Variants in CIAO2A observed in about 807,000 individuals in gnomAD.
The protein encoded by CIAO2A is MIP18 family protein FAM96A.
Under a neutral mutation model 22.4 loss-of-function variants are expected in CIAO2A, and 17 were observed. The observed-to-expected ratio is 0.76, with a 90% confidence interval of 0.52 to 1.14. The LOEUF (loss-of-function observed/expected upper bound fraction) is 1.14, where lower values mean the gene tolerates loss of function less well. Among genes scored for constraint, CIAO2A ranks in the 50% most tolerant of loss-of-function variants. CIAO2A has a pLI of 0.00. For synonymous variants in CIAO2A, 74 were observed against 72.3 expected (o/e 1.02, Z -0.12); for missense variants, 192 against 191.4 (o/e 1.00, Z -0.02).
intron 3 of CIAO2A, among the ~76,000 whole-genome samples, chr15:64,078,849 G>T (rs2080740082): frequency 1.3e-5 from 2 of 152,042 alleles, no homozygotes; most frequent in South Asian, 4.1e-4. Context: ...TTCACGAACA[G>T]CTTGGGCAAC....
chr15:64,093,822 C>T lies in CIAO2A; in HGVS notation c.-54G>A. On this transcript the variant is annotated 5_prime_UTR_variant, in exon 1 of 5. Transcript: ENST00000300030. ...TCCCAATCGCGCCACCGTCTCTCAG[C>T]AGCCTCGGGATTGATCAACTTCCTG... The T allele has an allele frequency of 2.5e-6, 4 of 1,593,400 alleles. No homozygotes were observed. The highest frequency in any genetic ancestry group is 3.4e-6 in the Non-Finnish European group (4 of 1,165,202).
At position 64,088,724 on chromosome 15, in the gene CIAO2A, C is replaced by A. The variant is rs778086456; in HGVS notation, c.252G>T (p.Thr84=). Residue 84 remains threonine (T), a synonymous_variant, in exon 2 of 5, where the codon ACG becomes ACT. Coordinates refer to ENST00000300030, the MANE Select transcript of CIAO2A (RefSeq NM_032231.7). The stretch of plus-strand genomic sequence containing the variant: ...CCAAAGAGCAATGAGGTACTGTTGG[C>A]GTGAACCTGATAATAACCAGATATT... ...EEEYLVIIRF[T]PTVPHCSLAT... The A allele has an allele frequency of 3.1e-6, 5 of 1,613,526 alleles. No individual in the cohort carries two copies. The highest frequency in any genetic ancestry group is 4.2e-6 in the Non-Finnish European group (5 of 1,179,866).
intron 1 of CIAO2A, among the ~76,000 whole-genome samples, chr15:64,089,233 A>C (rs1360549814): frequency 6.6e-6 from 1 of 152,160 alleles, no homozygotes; most frequent in Non-Finnish European, 1.5e-5. Context: ...TTTAAAGTGA[A>C]GGAAAGTAGC....
chr15:64,076,844 C>G (rs947259193), intron 3 of CIAO2A, among the ~76,000 whole-genome samples: 2 of 151,518 alleles, frequency 1.3e-5, no homozygotes, highest in African/African-American at 4.9e-5. Flanking sequence ...CCCACCTCAG[C>G]TCCCACACTC....
intron 3 of CIAO2A, among the ~76,000 whole-genome samples, chr15:64,076,019 A>T (rs564560448): frequency 6.9e-5 from 10 of 144,432 alleles, no homozygotes; most frequent in African/African-American, 2.3e-4. Flanking sequence ...ATCCTTCTCT[A>T]AAAAAAAAAA....
intron 4 of CIAO2A, 43 bp downstream of exon 4, chr15:64,075,449 C>T (rs1209669055): frequency 2.3e-6 from 3 of 1,288,400 alleles, no homozygotes; most frequent in Admixed American, 2.2e-5. Context: ...AGATAAAATA[C>T]TATCTGAAGT....
chr15:64,091,953 A>G (rs915957630), intron 1 of CIAO2A, among the ~76,000 whole-genome samples: 1 of 150,478 alleles, frequency 6.6e-6, no homozygotes, highest in South Asian at 2.1e-4. Flanking sequence ...CCAGTCAGTC[A>G]GGAGGCTGAG....
intron 3 of CIAO2A, among the ~76,000 whole-genome samples, chr15:64,077,489 A>G (rs2080727875): frequency 6.6e-6 from 1 of 152,228 alleles, no homozygotes; most frequent in Non-Finnish European, 1.5e-5. Flanking sequence ...TATATGAACT[A>G]TACTTCAGGG....
rs540933169 is a variant in CIAO2A, at chr15:64,073,988, T to C, written c.386-960A>G. On this transcript the variant is annotated intron_variant, in intron 4 of 4. Transcript: ENST00000300030. ...GGAAAACGGCTCAATATTATTGTCA[T>C]AATTTGCATTTCCTTGACTAATAGG... Among the ~76,000 whole-genome samples the C allele has an allele frequency of 1.3e-4, 20 of 152,372 alleles. No individual in the cohort carries two copies. The South Asian group carries it at 3.9e-3, about 30-fold the overall frequency.
chr15:64,084,435 G>T (rs541057851), intron 2 of CIAO2A, among the ~76,000 whole-genome samples: 3 of 151,966 alleles, frequency 2.0e-5, no homozygotes, highest in Admixed American at 1.3e-4. Flanking sequence ...ATTATTCCAC[G>T]TATAGGAATT....
At chr15:64,092,214 T>C (rs1159102297) in intron 1 of CIAO2A, among the ~76,000 whole-genome samples, 1 of 152,186 alleles carries the variant, frequency 6.6e-6, no homozygotes, top group Non-Finnish European at 1.5e-5. Flanking sequence ...CCTAGAACAA[T>C]GTTCAACCAC....
chr15:64,085,801 C>T (rs887591320), intron 2 of CIAO2A, among the ~76,000 whole-genome samples: 4 of 151,906 alleles, frequency 2.6e-5, no homozygotes, highest in Admixed American at 6.6e-5. Context: ...CTCCGCCTCC[C>T]GGGTTCAAGC....
At chr15:64,091,788 G>T (rs2080841256) in intron 1 of CIAO2A, among the ~76,000 whole-genome samples, 1 of 152,094 alleles carries the variant, frequency 6.6e-6, no homozygotes, top group African/African-American at 2.4e-5. Context: ...GGCCGGGTGT[G>T]GTGGCTCATG....
intron 2 of CIAO2A, among the ~76,000 whole-genome samples, chr15:64,083,114 G>T (rs1453378728): frequency 2.0e-5 from 3 of 149,998 alleles, no homozygotes; most frequent in Non-Finnish European, 4.4e-5. Flanking sequence ...GTTGCTATGA[G>T]GAATAACCTG....
intron 2 of CIAO2A, among the ~76,000 whole-genome samples, chr15:64,081,963 G>A (rs1406093585): frequency 6.6e-6 from 1 of 152,172 alleles, no homozygotes; most frequent in Non-Finnish European, 1.5e-5. Context: ...ATGCCTGCAA[G>A]GTACAAATAC....
intron 4 of CIAO2A, chr15:64,074,577 A>G (rs941000347): frequency 1.3e-5 from 2 of 152,216 alleles, no homozygotes; most frequent in Non-Finnish European, 2.9e-5. Context: ...CAGCCCACAA[A>G]GAGTATAATA....
At chr15:64,091,483 CAAA>C (rs35800673) in intron 1 of CIAO2A, among the ~76,000 whole-genome samples, 36 of 121,406 alleles carry the variant, frequency 3.0e-4, no homozygotes, top group Non-Finnish European at 3.1e-4. Flanking sequence ...GACTCTGTCT[CAAA>C]AAAAAAAAAA....
intron 3 of CIAO2A, among the ~76,000 whole-genome samples, chr15:64,079,965 TAA>T (rs1300096481): frequency 2.0e-5 from 3 of 152,148 alleles, no homozygotes; most frequent in Non-Finnish European, 4.4e-5. Flanking sequence ...AATTCAATAA[TAA>T]AAAGACATCC....
intron 4 of CIAO2A, chr15:64,074,317 C>T (rs2080699878): frequency 6.6e-6 from 1 of 152,176 alleles, no homozygotes; most frequent in Non-Finnish European, 1.5e-5. Flanking sequence ...TGGTTTCTTC[C>T]TACTACAATG....
Sources: gnomAD v4.1 joint callset for allele counts (sites outside exome capture counted in the v4.1 genomes callset) on GRCh38, gnomAD v4.1.1 for gene constraint, MANE v1.5 for transcripts, NCBI Gene and HGNC (gene_info 2026-07-23, HGNC 2026-07-21) for gene names.